SAP130: variants seen among roughly 807,000 people sequenced by gnomAD.
SAP130 encodes histone deacetylase complex subunit SAP130.
In SAP130, 16 loss-of-function variants were observed where a neutral mutation model predicts 103.2. The observed-to-expected ratio is 0.16, with a 90% CI of 0.10 to 0.24. SAP130 has a LOEUF of 0.24. SAP130 is among the 10% of genes least tolerant of loss of function. The probability of loss-of-function intolerance (pLI) is 1.00; values close to 1 mark genes in which losing one functional copy is unlikely to be tolerated. For synonymous variants in SAP130, 477 were observed against 497.0 expected (o/e 0.96, Z 0.53); for missense variants, 990 against 1,359.7 (o/e 0.73, Z 4.28).
At chr2:128,011,858 G>T (rs947045549) in intron 6 of SAP130, among the ~76,000 whole-genome samples, 2 of 152,148 alleles carry the variant, frequency 1.3e-5, no homozygotes, top group African/African-American at 4.8e-5. Flanking sequence ...TCTCGTCCCA[G>T]CTAGAGTGCA....
In SAP130 at chr2:127,942,558, G is replaced by C. The variant is rs1678782534; in HGVS notation, c.2902-21C>G. On this transcript the variant is annotated intron_variant, in intron 19 of 20. Transcript: ENST00000643581. The surrounding 1 kb of genome is among the most constrained non-coding windows in gnomAD (Gnocchi z 4.8). ...TTCGTCTGCAACACACAAAAGGGAG[G>C]GTATCATAAGCTCGGAAATATTTTT... The C allele has an allele frequency of 7.1e-7, 1 of 1,403,452 alleles. No homozygotes were observed. The highest frequency in any genetic ancestry group is 1.0e-6 in the Non-Finnish European group (1 of 988,972). 86.9% of individuals were successfully genotyped at this position (1,403,452 alleles called of 1,614,324 possible).
chr2:127,955,425 G>C lies in SAP130; in HGVS notation c.2064-81C>G. On this transcript the variant is annotated intron_variant, in intron 15 of 20. Transcript: ENST00000643581. The surrounding 1 kb of genome is among the most constrained non-coding windows in gnomAD (Gnocchi z 4.9). Reference sequence around the variant, plus strand: ...ACAACATCTCAGAGGATGAGTATTTGTCCAATTATTTCTGTCCAGCACACT... The same window carrying C: ...ACAACATCTCAGAGGATGAGTATTTCTCCAATTATTTCTGTCCAGCACACT... 1 of 893,036 alleles carries C rather than the reference G, an allele frequency of 1.1e-6. No homozygotes were observed. The highest frequency in any genetic ancestry group is 1.7e-6 in the Non-Finnish European group (1 of 574,374). The allele number at this position is 893,036 out of a possible 1,614,324, so 55.3% of individuals were successfully genotyped here.
chr2:128,001,561 T>G (rs1272019896), intron 7 of SAP130, among the ~76,000 whole-genome samples: 1 of 152,262 alleles, frequency 6.6e-6, no homozygotes, highest in Non-Finnish European at 1.5e-5. Context: ...TGCCTCTTTT[T>G]TAATCTTTTA....
chr2:128,018,796 CAAA>C (rs148929300), intron 2 of SAP130, among the ~76,000 whole-genome samples: 4 of 98,106 alleles, frequency 4.1e-5, no homozygotes, highest in Admixed American at 1.1e-4. Flanking sequence ...GACTTTGTCT[CAAA>C]AAAAAAAAAA....
At chr2:127,969,280 G>A (rs750605290) in intron 15 of SAP130, among the ~76,000 whole-genome samples, 1 of 152,102 alleles carries the variant, frequency 6.6e-6, no homozygotes, top group South Asian at 2.1e-4. Flanking sequence ...ATTTAATTAC[G>A]AGTTTTTACC....
chr2:127,989,707 T>G lies in SAP130; in HGVS notation c.1637A>C (p.Gln546Pro), dbSNP rs1682653094. The G allele has an allele frequency of 6.2e-7, 1 of 1,614,060 alleles. No individual in the cohort carries two copies. Among genetic ancestry groups the G allele is most frequent in the Admixed American group, 1.7e-5 (1 of 59,994 alleles). The change falls in exon 13 of 21, where the codon CAG becomes CCG. Residue 546 changes from glutamine to proline, a missense_variant. Coordinates refer to ENST00000643581, the MANE Select transcript of SAP130 (RefSeq NM_001330301.2). This position sits in a 1 kb window ranked among gnomAD's most constrained non-coding sequence, Gnocchi z 4.6. Reference protein sequence around the residue: ...QPAPISTQGIQPAPIGTPGIQ... With the variant: ...QPAPISTQGIPPAPIGTPGIQ... The stretch of plus-strand genomic sequence containing the variant: ...CCCTGGGGTCCCAATGGGGGCCGGC[T>G]GGATACCCTGGGTACTGATGGGTGC...
intron 14 of SAP130, among the ~76,000 whole-genome samples, chr2:127,982,261 C>G (rs1681999702): frequency 6.6e-6 from 1 of 152,118 alleles, no homozygotes; most frequent in Non-Finnish European, 1.5e-5. Flanking sequence ...CATGTTTATA[C>G]TGTTTATGTG....
chr2:127,958,635 TGAGAGAGAGAGAGAGA>T (rs372337440), intron 15 of SAP130, among the ~76,000 whole-genome samples: 2,541 of 127,658 alleles, frequency 0.02, 41 homozygotes, highest in South Asian at 0.052. Context: ...GTGAGACAGA[TGAGAGAGAGAGAGAGA>T]GAGAGAGAGA....
At chr2:127,947,733 ATT>A (rs1437830131) in intron 18 of SAP130, among the ~76,000 whole-genome samples, 4 of 119,392 alleles carry the variant, frequency 3.4e-5, no homozygotes, top group African/African-American at 8.7e-5. Context: ...TTAATTTCAT[ATT>A]GTGTGAATTA....
chr2:127,971,452 AT>A (rs1327413755), intron 15 of SAP130, among the ~76,000 whole-genome samples: 2 of 151,890 alleles, frequency 1.3e-5, no homozygotes, highest in South Asian at 2.1e-4. Flanking sequence ...CGCCTGGCTA[AT>A]TTTTTGTATG....
intron 12 of SAP130, among the ~76,000 whole-genome samples, chr2:127,991,056 C>T (rs1252966079): frequency 1.3e-5 from 2 of 152,028 alleles, no homozygotes; most frequent in African/African-American, 4.8e-5. Flanking sequence ...TCAAAACCAG[C>T]CTGGTCAACA....
intron 15 of SAP130, among the ~76,000 whole-genome samples, chr2:127,977,478 C>A (rs1178920131): frequency 3.3e-5 from 5 of 151,978 alleles, no homozygotes; most frequent in African/African-American, 1.2e-4. Flanking sequence ...CCAGCCTGGG[C>A]AACAGAGCAA....
intron 15 of SAP130, among the ~76,000 whole-genome samples, chr2:127,973,262 C>A (rs138444009): frequency 6.6e-6 from 1 of 152,168 alleles, no homozygotes; most frequent in South Asian, 2.1e-4. Flanking sequence ...GATGAACTTT[C>A]GCTCTTGTTG....
At chr2:127,997,573 C>T (rs913947123) in intron 10 of SAP130, among the ~76,000 whole-genome samples, 4 of 152,168 alleles carry the variant, frequency 2.6e-5, no homozygotes, top group African/African-American at 9.7e-5. Context: ...CACTGAAGAT[C>T]GCATCTATTG....
At chr2:128,006,037 G>A (rs546481162) in intron 7 of SAP130, among the ~76,000 whole-genome samples, 26 of 149,750 alleles carry the variant, frequency 1.7e-4, no homozygotes, top group African/African-American at 5.4e-4. Context: ...GATATTCAAC[G>A]AAAAAGAATC....
rs943269067 is a variant in SAP130, at chr2:127,941,340, T to C, written c.*666A>G. The C allele has an allele frequency of 1.3e-5, 2 of 152,224 alleles. No homozygotes were observed. The highest frequency in any genetic ancestry group is 4.8e-5 in the African/African-American group (2 of 41,452). 9.4% of individuals were successfully genotyped at this position (152,224 alleles called of 1,614,324 possible). A position where few individuals can be genotyped will look rare whatever the true frequency, so the allele number is the denominator to read the frequency against. ...AAGAATGTACTTCAGAACAAGGATC[T>C]GAGAGCAACTTATGGTGTTGCCTGC... On this transcript the variant is annotated 3_prime_UTR_variant, in exon 21 of 21. Transcript: ENST00000643581.
rs1256801713 is a variant in SAP130, at chr2:127,941,320, T to A, written c.*686A>T. The A allele has an allele frequency of 1.3e-5, 2 of 152,322 alleles. 1 individual carries two copies. The highest frequency in any genetic ancestry group is 4.1e-4 in the South Asian group (2 of 4,824). 9.4% of individuals were successfully genotyped at this position (152,322 alleles called of 1,614,324 possible). A position where few individuals can be genotyped will look rare whatever the true frequency, so the allele number is the denominator to read the frequency against. On this transcript the variant is annotated 3_prime_UTR_variant, in exon 21 of 21. Coordinates refer to ENST00000643581, the MANE Select transcript of SAP130 (RefSeq NM_001330301.2). The stretch of plus-strand genomic sequence containing the variant: ...CTACAGAAGTACAGATAACCAAGAA[T>A]GTACTTCAGAACAAGGATCTGAGAG...
chr2:127,976,621 A>G (rs1379515235), intron 15 of SAP130, among the ~76,000 whole-genome samples: 1 of 152,264 alleles, frequency 6.6e-6, no homozygotes, highest in Non-Finnish European at 1.5e-5. Flanking sequence ...TTAAGAATCT[A>G]TCAACTGGGG....
chr2:128,020,731 G>A (rs1573856994), intron 2 of SAP130, among the ~76,000 whole-genome samples: 1 of 152,170 alleles, frequency 6.6e-6, no homozygotes, highest in South Asian at 2.1e-4. Flanking sequence ...GGGCACAGTG[G>A]CTCATGTCTA....
Sources: gnomAD v4.1 joint callset for allele counts (sites outside exome capture counted in the v4.1 genomes callset) on GRCh38, gnomAD v4.1.1 for gene constraint, Gnocchi (gnomAD v3.1) non-coding constraint, MANE v1.5 for transcripts, NCBI Gene and HGNC (gene_info 2026-07-23, HGNC 2026-07-21) for gene names.